TSHZ3: variants seen among roughly 807,000 people sequenced by gnomAD.
TSHZ3 encodes the protein teashirt zinc finger homeobox 3.
Under a neutral mutation model 64.5 loss-of-function variants are expected in TSHZ3, and 10 were observed. The observed-to-expected ratio is 0.16, with a 90% CI of 0.10 to 0.26. The LOEUF is 0.26. TSHZ3 is among the 10% of genes least tolerant of loss of function. TSHZ3 has a pLI of 1.00. For synonymous variants in TSHZ3, 608 were observed against 593.1 expected (o/e 1.03, Z -0.36); for missense variants, 1,242 against 1,421.7 (o/e 0.87, Z 2.03).
intron 1 of TSHZ3, among the ~76,000 whole-genome samples, chr19:31,318,489 C>A (rs2145163430): frequency 6.6e-6 from 1 of 152,124 alleles, no homozygotes; most frequent in African/African-American, 2.4e-5. Context: ...TAATTCTATT[C>A]ATAAAAAATG....
chr19:31,285,477 C>CAAA lies in TSHZ3; in HGVS notation c.41-5728_41-5726dup, dbSNP rs397859442. On this transcript the variant is annotated intron_variant, in intron 1 of 1. Coordinates refer to ENST00000240587, the MANE Select transcript of TSHZ3 (RefSeq NM_020856.4). The stretch of plus-strand genomic sequence containing the variant: ...CCTGGGTGACAGAGTGATTCTGTCT[C>CAAA]AAAAAAAAAAAAAAGGAAAAGTAGG... Among the ~76,000 whole-genome samples, 967 of 132,568 alleles carry CAAA rather than the reference C, an allele frequency of 7.3e-3. 7 individuals carry two copies. The highest frequency in any genetic ancestry group is 0.025 in the African/African-American group (900 of 36,126). The allele number at this position is 132,568 out of a possible 152,430, so 87.0% of individuals were successfully genotyped here. A position where few individuals can be genotyped will look rare whatever the true frequency, so the allele number is the denominator to read the frequency against.
At chr19:31,199,418 AAAAAG>A (rs1975042332) in intron 5 of TSHZ3, among the ~76,000 whole-genome samples, 1 of 144,484 alleles carries the variant, frequency 6.9e-6, no homozygotes. Flanking sequence ...AAAAAAAAAA[AAAAAG>A]AAAAGAAAAA....
chr19:31,274,239 G>C (rs142837913), downstream of TSHZ3, among the ~76,000 whole-genome samples: 1 of 152,198 alleles, frequency 6.6e-6, no homozygotes, highest in East Asian at 1.9e-4. Flanking sequence ...AACTGCAAGA[G>C]TAGTTTGAAT....
At chr19:31,226,343 G>T (rs1017552845) in intron 4 of TSHZ3, among the ~76,000 whole-genome samples, 23 of 152,186 alleles carry the variant, frequency 1.5e-4, no homozygotes, top group African/African-American at 5.5e-4. Flanking sequence ...GAATCATAAG[G>T]GTGGTTTCCC....
intron 1 of TSHZ3, among the ~76,000 whole-genome samples, chr19:31,344,589 C>A (rs1432155063): frequency 8.5e-5 from 13 of 152,174 alleles, no homozygotes; most frequent in African/African-American, 3.1e-4. Flanking sequence ...TGCCTCCCCG[C>A]GGGCCTGCCT....
intron 1 of TSHZ3, among the ~76,000 whole-genome samples, chr19:31,322,447 G>A (rs1229231846): frequency 6.6e-6 from 1 of 151,590 alleles, no homozygotes; most frequent in East Asian, 1.9e-4. Context: ...TAGAGACTAG[G>A]TCTCACTCTG....
intron 1 of TSHZ3, among the ~76,000 whole-genome samples, chr19:31,348,473 A>G (rs1263183043): frequency 2.0e-4 from 30 of 151,780 alleles, no homozygotes. Context: ...AAGAAGAAAA[A>G]AAAAAAAAAA....
intron 1 of TSHZ3, among the ~76,000 whole-genome samples, chr19:31,288,367 A>C (rs914334891): frequency 2.6e-5 from 4 of 152,184 alleles, no homozygotes. Context: ...TGGACAAGGA[A>C]AAATGCCAAG....
At chr19:31,173,193 T>C (rs947292291) in intron 5 of TSHZ3, among the ~76,000 whole-genome samples, 6 of 152,174 alleles carry the variant, frequency 3.9e-5, no homozygotes, top group Non-Finnish European at 8.8e-5. Context: ...CAGTTGTGGA[T>C]GCGAGAATAT....
At chr19:31,332,046 C>T (rs904338200) in intron 1 of TSHZ3, among the ~76,000 whole-genome samples, 5 of 152,176 alleles carry the variant, frequency 3.3e-5, no homozygotes, top group African/African-American at 1.2e-4. Flanking sequence ...CCAAAAAATG[C>T]ATGTTTCCAT....
intron 1 of TSHZ3, among the ~76,000 whole-genome samples, chr19:31,312,429 G>C (rs374581868): frequency 6.6e-6 from 1 of 152,116 alleles, no homozygotes; most frequent in Non-Finnish European, 1.5e-5. Flanking sequence ...TAGTCCTATC[G>C]GACAGCTCAG....
At chr19:31,195,789 T>C (rs1006878056) in intron 5 of TSHZ3, 3 of 152,064 alleles carry the variant, frequency 2.0e-5, no homozygotes, top group Non-Finnish European at 2.9e-5. Context: ...TGTATGTGTT[T>C]TTGTATACAT....
intron 1 of TSHZ3, among the ~76,000 whole-genome samples, chr19:31,316,676 G>A (rs1007222486): frequency 2.0e-5 from 3 of 152,168 alleles, no homozygotes; most frequent in Non-Finnish European, 4.4e-5. Flanking sequence ...AAATTTTCAT[G>A]GGGGAGAGGA....
At chr19:31,287,671 T>C (rs1599627264) in intron 1 of TSHZ3, among the ~76,000 whole-genome samples, 1 of 150,008 alleles carries the variant, frequency 6.7e-6, no homozygotes, top group Non-Finnish European at 1.5e-5. Context: ...GCATGGGAGG[T>C]AGGAATGGAG....
chr19:31,309,077 ATGGGCTGCC>A (rs1329018634), intron 1 of TSHZ3, among the ~76,000 whole-genome samples: 1 of 152,202 alleles, frequency 6.6e-6, no homozygotes, highest in Non-Finnish European at 1.5e-5. Flanking sequence ...CCTCTGCAAC[ATGGGCTGCC>A]TTGAGCTTTG....
chr19:31,203,830 T>G (rs1027532497), intron 5 of TSHZ3, among the ~76,000 whole-genome samples: 1 of 151,920 alleles, frequency 6.6e-6, no homozygotes, highest in Non-Finnish European at 1.5e-5. Flanking sequence ...TTCTCCCCTC[T>G]CTTCTCTCCT....
At chr19:31,260,260 C>T (rs1975967507) in intron 1 of TSHZ3, among the ~76,000 whole-genome samples, 1 of 152,176 alleles carries the variant, frequency 6.6e-6, no homozygotes, top group African/African-American at 2.4e-5. Flanking sequence ...CCCAGTCCCC[C>T]CGCCCAGGTC....
At chr19:31,320,438 T>C (rs1417422262) in intron 1 of TSHZ3, among the ~76,000 whole-genome samples, 1 of 152,228 alleles carries the variant, frequency 6.6e-6, no homozygotes, top group Admixed American at 6.5e-5. Flanking sequence ...GTGAATGTTA[T>C]TTATTTAACC....
chr19:31,157,974 T>A (rs1974327670), intron 5 of TSHZ3, among the ~76,000 whole-genome samples: 1 of 152,220 alleles, frequency 6.6e-6, no homozygotes, highest in Non-Finnish European at 1.5e-5. Flanking sequence ...CTTTGTCAAC[T>A]GCACGTGGCA....
Sources: gnomAD v4.1 joint callset for allele counts (sites outside exome capture counted in the v4.1 genomes callset) on GRCh38, gnomAD v4.1.1 for gene constraint, MANE v1.5 for transcripts, NCBI Gene and HGNC (gene_info 2026-07-23, HGNC 2026-07-21) for gene names.